The following CSMD3 variants were observed in gnomAD, a reference collection of about 807,000 sequenced individuals.
CSMD3 encodes the protein CUB and sushi domain-containing protein 3.
A neutral mutation model predicts 435.2 loss-of-function variants in CSMD3; 177 were observed. The ratio of observed to expected loss-of-function variants is 0.41; its 90% CI spans 0.36 to 0.46. The LOEUF (loss-of-function observed/expected upper bound fraction) is 0.46, where lower values mean the gene tolerates loss of function less well. Ranked by LOEUF, CSMD3 falls within the 20% of genes least tolerant of loss-of-function variation. CSMD3 has a pLI of 0.34. For synonymous variants in CSMD3, 1,656 were observed against 1,520.5 expected (o/e 1.09, Z -2.07); for missense variants, 4,265 against 4,504.6 (o/e 0.95, Z 1.52).
chr8:112,647,302 CTTTTTTT>C (rs35978527), intron 19 of CSMD3, among the ~76,000 whole-genome samples: 6 of 137,158 alleles, frequency 4.4e-5, no homozygotes, highest in African/African-American at 8.1e-5. Context: ...TTTCAAATCA[CTTTTTTT>C]TTTTTTTTTG....
chr8:113,396,580 G>A (rs2094484486), intron 1 of CSMD3, among the ~76,000 whole-genome samples: 1 of 152,040 alleles, frequency 6.6e-6, no homozygotes, highest in East Asian at 1.9e-4. Flanking sequence ...GGGGTAATTT[G>A]TCTTTTTTTT....
At chr8:113,119,409 C>A (rs1297383545) in intron 4 of CSMD3, among the ~76,000 whole-genome samples, 1 of 151,818 alleles carries the variant, frequency 6.6e-6, no homozygotes, top group African/African-American at 2.4e-5. Context: ...AGTAATTTGC[C>A]CAAGTTCATG....
At chr8:112,704,104 T>C (rs1039346360) in intron 13 of CSMD3, among the ~76,000 whole-genome samples, 6 of 152,094 alleles carry the variant, frequency 3.9e-5, no homozygotes, top group African/African-American at 9.7e-5. Context: ...TCTTTTGAGA[T>C]ACAGCAAATA....
At chr8:112,436,403 G>C (rs1252021829) in intron 32 of CSMD3, among the ~76,000 whole-genome samples, 1 of 151,716 alleles carries the variant, frequency 6.6e-6, no homozygotes, top group East Asian at 1.9e-4. Context: ...TACAGGAAAA[G>C]GTCCCCTTCT....
At chr8:113,138,510 A>C (rs535750251) in intron 4 of CSMD3, among the ~76,000 whole-genome samples, 17 of 151,450 alleles carry the variant, frequency 1.1e-4, no homozygotes, top group African/African-American at 4.1e-4. Context: ...AATTCATTAT[A>C]CATCTTAATA....
intron 63 of CSMD3, among the ~76,000 whole-genome samples, chr8:112,249,632 T>C (rs1815083570): frequency 6.6e-6 from 1 of 152,098 alleles, no homozygotes; most frequent in Non-Finnish European, 1.5e-5. Flanking sequence ...AGGATAAAGT[T>C]ACATTGAGCT....
intron 4 of CSMD3, among the ~76,000 whole-genome samples, chr8:113,158,724 ATTTTGG>A (rs1327283865): frequency 3.0e-4 from 46 of 151,934 alleles, no homozygotes; most frequent in African/African-American, 1.1e-3. Flanking sequence ...TCTGATTCTG[ATTTTGG>A]TTTATATATA....
At chr8:113,139,133 T>G (rs2091487447) in intron 4 of CSMD3, among the ~76,000 whole-genome samples, 1 of 150,634 alleles carries the variant, frequency 6.6e-6, no homozygotes, top group Non-Finnish European at 1.5e-5. Context: ...ATAACTAGAC[T>G]GAAATACAAC....
intron 3 of CSMD3, among the ~76,000 whole-genome samples, chr8:113,269,498 C>T (rs1325430697): frequency 6.6e-6 from 1 of 152,120 alleles, no homozygotes; most frequent in African/African-American, 2.4e-5. Flanking sequence ...GCCCTCATCA[C>T]CAAGTCGATC....
At chr8:112,397,501 T>C (rs1213097745) in intron 35 of CSMD3, among the ~76,000 whole-genome samples, 4 of 152,206 alleles carry the variant, frequency 2.6e-5, no homozygotes, top group African/African-American at 4.8e-5. Flanking sequence ...CAAAATACCA[T>C]AGAATGGGTG....
chr8:112,442,129 G>A (rs1377841699), intron 32 of CSMD3, among the ~76,000 whole-genome samples: 1 of 152,158 alleles, frequency 6.6e-6, no homozygotes, highest in Non-Finnish European at 1.5e-5. Flanking sequence ...CATGGCAAGA[G>A]AAGGAGCAAG....
At chr8:112,908,873 G>T (rs920696310) in intron 10 of CSMD3, among the ~76,000 whole-genome samples, 1 of 151,406 alleles carries the variant, frequency 6.6e-6, no homozygotes, top group African/African-American at 2.4e-5. Context: ...AATAACCTGT[G>T]TCCTCCTTGC....
At chr8:113,212,895 A>G (rs898910208) in intron 3 of CSMD3, among the ~76,000 whole-genome samples, 9 of 142,320 alleles carry the variant, frequency 6.3e-5, no homozygotes, top group South Asian at 2.2e-4. Context: ...AATAAAAAAT[A>G]TATATATATA....
At chr8:113,094,780 A>T (rs984401621) in intron 5 of CSMD3, among the ~76,000 whole-genome samples, 2 of 152,120 alleles carry the variant, frequency 1.3e-5, no homozygotes, top group African/African-American at 4.8e-5. Context: ...GTATTCAATT[A>T]TCATATGTGG....
At chr8:113,367,031 T>C (rs777530809) in intron 1 of CSMD3, among the ~76,000 whole-genome samples, 4 of 151,936 alleles carry the variant, frequency 2.6e-5, no homozygotes, top group African/African-American at 4.8e-5. Context: ...TTTTTTAAGG[T>C]TGAGAGCAAA....
chr8:113,308,014 T>C (rs573025630), intron 2 of CSMD3, among the ~76,000 whole-genome samples: 1 of 152,154 alleles, frequency 6.6e-6, no homozygotes, highest in Non-Finnish European at 1.5e-5. Context: ...ATTTTACCCA[T>C]GGCTATAGAG....
In CSMD3 at chr8:112,921,715, A is replaced by G. The variant is rs2082749397; in HGVS notation, c.1545T>C (p.Asp515=). ...TGCTCTTTGCGCCCTGTAGGACATAATCTTCATCACAAGAGAACTGCACAG... is the reference window on the plus strand; with the variant it reads ...TGCTCTTTGCGCCCTGTAGGACATAGTCTTCATCACAAGAGAACTGCACAG... ...GSTVQFSCDE[D]YVLQGAKSIT... Residue 515 remains aspartate, a synonymous_variant, in exon 10 of 71, where the codon GAT becomes GAC. Coordinates refer to ENST00000297405, the MANE Select transcript of CSMD3 (RefSeq NM_198123.2). The G allele has an allele frequency of 1.9e-6, 3 of 1,610,946 alleles. No individual in the cohort carries two copies. Among genetic ancestry groups the G allele is most frequent in the Non-Finnish European group, 2.5e-6 (3 of 1,177,368 alleles).
intron 4 of CSMD3, among the ~76,000 whole-genome samples, chr8:113,150,281 A>T (rs922570427): frequency 1.3e-5 from 2 of 151,928 alleles, no homozygotes; most frequent in African/African-American, 2.4e-5. Flanking sequence ...ACTGACTTTA[A>T]ATTTAGGAAA....
At chr8:112,448,755 T>TAAAAAAAAAAAAAAAAAAAAAAAAAA (rs199998820) in intron 32 of CSMD3, among the ~76,000 whole-genome samples, 1 of 127,204 alleles carries the variant, frequency 7.9e-6, no homozygotes, top group Non-Finnish European at 1.6e-5. Flanking sequence ...TACAATCTAT[T>TAAAAAAAAAAAAAAAAAAAAAAAAAA]AAAAAAAAAA....
Sources: gnomAD v4.1 joint callset for allele counts (sites outside exome capture counted in the v4.1 genomes callset) on GRCh38, gnomAD v4.1.1 for gene constraint, MANE v1.5 for transcripts, NCBI Gene and HGNC (gene_info 2026-07-23, HGNC 2026-07-21) for gene names.